RORA: variants seen among roughly 807,000 people sequenced by gnomAD.
RORA encodes the protein RAR related orphan receptor A.
In RORA, 7 loss-of-function variants were observed where a neutral mutation model predicts 69.5. The ratio of observed to expected loss-of-function variants is 0.10; its 90% CI spans 0.06 to 0.19. RORA has a LOEUF of 0.19. RORA is among the 10% of genes least tolerant of loss of function. RORA has a pLI of 1.00. For missense variants in RORA, 457 were observed against 663.0 expected, an observed-to-expected ratio of 0.69 and a Z score of 3.41; for synonymous variants, 261 against 240.8, an observed-to-expected ratio of 1.08 and a Z score of -0.78.
intron 1 of RORA, among the ~76,000 whole-genome samples, chr15:60,730,753 T>C (rs1453817935): frequency 2.0e-5 from 3 of 152,246 alleles, no homozygotes; most frequent in Non-Finnish European, 4.4e-5. Flanking sequence ...GGTTACTTTC[T>C]AACACTGTTT....
At chr15:60,520,070 C>T (rs1239470256) in intron 3 of RORA, 1 of 152,138 alleles carries the variant, frequency 6.6e-6, no homozygotes, top group African/African-American at 2.4e-5. Flanking sequence ...AAAGCAGGCA[C>T]GCAAGCAGAC....
chr15:60,864,486 T>G (rs1199711364), intron 1 of RORA, among the ~76,000 whole-genome samples: 2 of 150,914 alleles, frequency 1.3e-5, no homozygotes, highest in Non-Finnish European at 3.0e-5. Flanking sequence ...CCATCCTTGT[T>G]TTTTTTTTTT....
chr15:60,690,417 C>CCAGCCAT lies in RORA; in HGVS notation c.167-11738_167-11732dup, dbSNP rs1215685416. On this transcript the variant is annotated intron_variant, in intron 1 of 10. Transcript: ENST00000335670. ...ACTTGCATAAGGCCATGACCCAGCT[C>CCAGCCAT]CAGCCATGTGGGCAAGGCCACCTTT... Among the ~76,000 whole-genome samples, 16 of 152,346 alleles carry CCAGCCAT rather than the reference C, an allele frequency of 1.1e-4. No homozygotes were observed. The South Asian group carries it at 3.1e-3, about 30-fold the overall frequency.
At chr15:60,740,136 T>A (rs12594992) in intron 1 of RORA, among the ~76,000 whole-genome samples, 12,894 of 152,170 alleles carry the variant, frequency 0.085, 624 homozygotes, top group Admixed American at 0.12. Context: ...CAGTTTTTTT[T>A]AAGTTACTAT....
At chr15:60,499,697 A>G (rs1287109498) in intron 10 of RORA, among the ~76,000 whole-genome samples, 195 bp downstream of exon 10, 1 of 152,242 alleles carries the variant, frequency 6.6e-6, no homozygotes, top group Non-Finnish European at 1.5e-5. Context: ...CAACGATAGT[A>G]AGTATAATTT....
At chr15:60,749,499 T>C (rs2071693438) in intron 1 of RORA, among the ~76,000 whole-genome samples, 1 of 152,196 alleles carries the variant, frequency 6.6e-6, no homozygotes, top group Admixed American at 6.5e-5. Context: ...TTACACTAGC[T>C]AAGAGAGGGA....
rs10577286 is a variant in RORA, at chr15:60,671,067, G to GATATATATATATATATATATAT, written c.196+7568_196+7589dup. 3.6e-3 allele frequency among the ~76,000 whole-genome samples: 435 copies of GATATATATATATATATATATAT among 122,106 alleles called. 20 individuals carry two copies. Among genetic ancestry groups the GATATATATATATATATATATAT allele is most frequent in the African/African-American group, 0.012 (306 of 24,484 alleles). The allele number at this position is 122,106 out of a possible 152,430, so 80.1% of individuals were successfully genotyped here. A position where few individuals can be genotyped will look rare whatever the true frequency, so the allele number is the denominator to read the frequency against. ...TCTTATATCTCCTATATATCCCATTGATATATATATATATATATATATATA... is the reference window on the plus strand; with the variant it reads ...TCTTATATCTCCTATATATCCCATTGATATATATATATATATATATATATATATATATATATATATATATATA... On this transcript the variant is annotated intron_variant, in intron 2 of 10. Coordinates refer to ENST00000335670, the MANE Select transcript of RORA (RefSeq NM_134261.3).
At chr15:60,504,876 A>T (rs1348775304) in intron 6 of RORA, among the ~76,000 whole-genome samples, 1 of 152,170 alleles carries the variant, frequency 6.6e-6, no homozygotes, top group African/African-American at 2.4e-5. Context: ...AGAAACACTG[A>T]ATTAGGAGCC....
At chr15:60,538,364 C>T (rs2066747103) in intron 2 of RORA, among the ~76,000 whole-genome samples, 2 of 152,096 alleles carry the variant, frequency 1.3e-5, no homozygotes. Context: ...ATTCTTACCT[C>T]CCAGGCAGGT....
At chr15:60,834,266 A>T (rs532259319) in intron 1 of RORA, among the ~76,000 whole-genome samples, 2 of 152,202 alleles carry the variant, frequency 1.3e-5, no homozygotes, top group Non-Finnish European at 1.5e-5. Flanking sequence ...CCTTACTCTC[A>T]TGTTTTCATT....
intron 1 of RORA, among the ~76,000 whole-genome samples, chr15:60,809,244 T>C (rs1034514907): frequency 3.3e-5 from 5 of 152,212 alleles, no homozygotes; most frequent in Non-Finnish European, 7.3e-5. Flanking sequence ...ATCCTAAAAA[T>C]GGCCAGGTGG....
rs897784563 is a variant in RORA at position 60,813,565 on chromosome 15, A to G, written c.167-134879T>C. Among the ~76,000 whole-genome samples, 7 of 152,250 alleles carry G rather than the reference A, an allele frequency of 4.6e-5. No homozygotes were observed. The East Asian group carries it at 1.4e-3, about 29-fold the overall frequency. On this transcript the variant is annotated intron_variant, in intron 1 of 10. Coordinates refer to ENST00000335670, the MANE Select transcript of RORA (RefSeq NM_134261.3). ...AAATCTAGTCTTCAAAATGAGCCCCACTTAATTGTAACCTTTGCCCATCTT... is the reference window on the plus strand; with the variant it reads ...AAATCTAGTCTTCAAAATGAGCCCCGCTTAATTGTAACCTTTGCCCATCTT...
rs564577585 is a variant in RORA at position 60,708,568 on chromosome 15, A to G, written c.167-29882T>C. Among the ~76,000 whole-genome samples, 42 of 152,276 alleles carry G rather than the reference A, an allele frequency of 2.8e-4. 2 individuals carry two copies. In the South Asian group the frequency reaches 8.3e-3, roughly 30 times the overall value. ...GGAGAAACACTTACAAATAGCTTCT[A>G]TTGAATAAAGGGCTATGAAGGAATT... On this transcript the variant is annotated intron_variant, in intron 1 of 10. Transcript: ENST00000335670.
At chr15:60,762,351 G>C (rs1019142769) in intron 1 of RORA, among the ~76,000 whole-genome samples, 1 of 152,154 alleles carries the variant, frequency 6.6e-6, no homozygotes, top group African/African-American at 2.4e-5. Flanking sequence ...AATGGTGGTA[G>C]ACCCAAAGCA....
At chr15:61,045,283 G>T (rs1436304691) in intron 1 of RORA, among the ~76,000 whole-genome samples, 1 of 152,178 alleles carries the variant, frequency 6.6e-6, no homozygotes, top group Non-Finnish European at 1.5e-5. Context: ...CTGCCGCCAT[G>T]TAAGATGTGA....
intron 1 of RORA, among the ~76,000 whole-genome samples, chr15:60,691,470 T>A (rs1223661851): frequency 6.6e-6 from 1 of 152,158 alleles, no homozygotes; most frequent in South Asian, 2.1e-4. Context: ...ACTTGTTAAG[T>A]GAATGAAGTT....
Position 60,492,161 on chromosome 15 carries a change from AT to A in RORA, c.*5293del. 1 of 152,218 alleles carries A rather than the reference AT, an allele frequency of 6.6e-6. No individual in the cohort carries two copies. 9.4% of individuals were successfully genotyped at this position (152,218 alleles called of 1,614,324 possible). On this transcript the variant is annotated 3_prime_UTR_variant, in exon 11 of 11. Transcript: ENST00000335670. ...TTACAGACATGGGAAGTTTTCCCAG[AT>A]TATGTTCCTCTATCATAGTAAGAAA...
At chr15:60,878,199 C>A (rs963784091) in intron 1 of RORA, among the ~76,000 whole-genome samples, 5 of 139,952 alleles carry the variant, frequency 3.6e-5, no homozygotes, top group Middle Eastern at 7.8e-3. Context: ...AAAAAATTAG[C>A]CAGGCGTAGT....
At chr15:60,748,284 C>T (rs1227347710) in intron 1 of RORA, among the ~76,000 whole-genome samples, 4 of 146,848 alleles carry the variant, frequency 2.7e-5, no homozygotes, top group Non-Finnish European at 6.0e-5. Context: ...AAAAGTAGTC[C>T]TAAGCCAATA....
Sources: gnomAD v4.1 joint callset for allele counts (sites outside exome capture counted in the v4.1 genomes callset) on GRCh38, gnomAD v4.1.1 for gene constraint, MANE v1.5 for transcripts, NCBI Gene and HGNC (gene_info 2026-07-23, HGNC 2026-07-21) for gene names.